Variants in ARSB observed in about 807,000 individuals in gnomAD.
ARSB encodes arylsulfatase B.
A neutral mutation model predicts 50.9 loss-of-function variants in ARSB; 41 were observed. The ratio of observed to expected loss-of-function variants is 0.81; its 90% CI spans 0.63 to 1.04. The LOEUF (loss-of-function observed/expected upper bound fraction) is 1.04. Ranked by LOEUF, ARSB falls within the 50% of genes least tolerant of loss-of-function variation. The pLI is 0.00. For missense variants in ARSB, 672 were observed against 693.3 expected, an observed-to-expected ratio of 0.97 and a Z score of 0.35; for synonymous variants, 269 against 284.8, an observed-to-expected ratio of 0.94 and a Z score of 0.56.
chr5:78,966,079 G>T (rs1391758640), intron 2 of ARSB, among the ~76,000 whole-genome samples: 2 of 152,236 alleles, frequency 1.3e-5, no homozygotes, highest in Non-Finnish European at 2.9e-5. Flanking sequence ...ATTAAAGCTT[G>T]AGGAAATCAC....
At chr5:78,944,424 CT>C (rs1751109487) in intron 4 of ARSB, among the ~76,000 whole-genome samples, 1 of 152,126 alleles carries the variant, frequency 6.6e-6, no homozygotes, top group African/African-American at 2.4e-5. Context: ...TACCTTTGGT[CT>C]TTGATGATGG....
intron 5 of ARSB, among the ~76,000 whole-genome samples, chr5:78,879,064 G>C (rs3098697): frequency 0.48 from 72,565 of 151,970 alleles, 17,604 homozygotes; most frequent in East Asian, 0.65. Flanking sequence ...ATGTTGCCCA[G>C]GCTGGTCTCG....
At chr5:78,868,286 C>T (rs1294203713) in intron 5 of ARSB, among the ~76,000 whole-genome samples, 1 of 122,430 alleles carries the variant, frequency 8.2e-6, no homozygotes, top group Non-Finnish European at 1.7e-5. Context: ...GGCAGGCCAA[C>T]GTTCAGATTC....
intron 5 of ARSB, among the ~76,000 whole-genome samples, chr5:78,863,121 G>T (rs918006100): frequency 1.1e-4 from 17 of 152,220 alleles, no homozygotes; most frequent in African/African-American, 3.9e-4. Context: ...GTGCTGGAGA[G>T]GATGTGGAGA....
intron 6 of ARSB, among the ~76,000 whole-genome samples, chr5:78,832,148 GA>G (rs1289038297): frequency 6.6e-6 from 1 of 152,128 alleles, no homozygotes; most frequent in Non-Finnish European, 1.5e-5. Flanking sequence ...AAGCTCCAGA[GA>G]AACTCAAGGG....
In ARSB at chr5:78,969,030, G is replaced by A. The variant is rs202134230; in HGVS notation, c.475C>T (p.Arg159Cys). ...CCAAAGTAGGTATCAAATCCTCGGC[G>A]GGTTGGAAGGCATTCTTTCCGGTAC... ...GMYRKECLPTRRGFDTYFGYL... is the reference protein window; with the variant it reads ...GMYRKECLPTCRGFDTYFGYL... The change falls in exon 2 of 8, where the codon CGC becomes TGC. Residue 159 changes from arginine (R) to cysteine (C), a missense_variant. Transcript: ENST00000264914. 160 of 1,614,130 alleles carry A rather than the reference G, an allele frequency of 9.9e-5. No individual in the cohort carries two copies. Among genetic ancestry groups the A allele is most frequent in the Middle Eastern group, 8.2e-4 (5 of 6,062 alleles).
chr5:78,817,623 A>G (rs1247164221), intron 6 of ARSB, among the ~76,000 whole-genome samples: 1 of 152,128 alleles, frequency 6.6e-6, no homozygotes, highest in African/African-American at 2.4e-5. Flanking sequence ...AGCCTGACCA[A>G]TATGGTGAAA....
At chr5:78,833,299 C>T (rs1385828143) in intron 6 of ARSB, among the ~76,000 whole-genome samples, 1 of 152,138 alleles carries the variant, frequency 6.6e-6, no homozygotes, top group Non-Finnish European at 1.5e-5. Context: ...GGCTCTCTCA[C>T]GGGTTTCTTA....
chr5:78,914,757 G>A (rs909784333), intron 4 of ARSB, among the ~76,000 whole-genome samples: 10 of 152,066 alleles, frequency 6.6e-5, no homozygotes, highest in South Asian at 2.1e-4. Context: ...TACAATCTCC[G>A]CCAGGTTCAA....
chr5:78,798,987 T>C (rs1026580272), intron 6 of ARSB, among the ~76,000 whole-genome samples: 62 of 152,214 alleles, frequency 4.1e-4, no homozygotes, highest in Non-Finnish European at 1.0e-4. Flanking sequence ...GACAACTCTT[T>C]CCAGCCTCCT....
At chr5:78,867,972 C>A (rs1375372046) in intron 5 of ARSB, among the ~76,000 whole-genome samples, 1 of 118,638 alleles carries the variant, frequency 8.4e-6, no homozygotes. Flanking sequence ...CTTAAAGGAG[C>A]TGATGGAGCT....
At chr5:78,870,597 T>G (rs1405688095) in intron 5 of ARSB, among the ~76,000 whole-genome samples, 1 of 151,206 alleles carries the variant, frequency 6.6e-6, no homozygotes, top group East Asian at 1.9e-4. Flanking sequence ...AGAAAAAGCC[T>G]TTGACAAAAT....
intron 5 of ARSB, among the ~76,000 whole-genome samples, chr5:78,875,906 G>T (rs1023172777): frequency 1.3e-5 from 2 of 151,998 alleles, no homozygotes; most frequent in Non-Finnish European, 2.9e-5. Context: ...GACCTCAAGT[G>T]ATCTACCTGC....
At chr5:78,936,936 G>A (rs80070364) in intron 4 of ARSB, among the ~76,000 whole-genome samples, 5,261 of 152,142 alleles carry the variant, frequency 0.035, 286 homozygotes, top group African/African-American at 0.12. Flanking sequence ...CATTTTTTTA[G>A]CAGCTTGTGA....
chr5:78,867,897 G>C (rs12522380), intron 5 of ARSB, among the ~76,000 whole-genome samples: 30,900 of 133,740 alleles, frequency 0.23, 4,271 homozygotes, highest in Admixed American at 0.32. Flanking sequence ...CAAAGGCAAA[G>C]AAGTTGAAAA....
At chr5:78,834,607 GTATATATATATATATATA>G (rs58773415) in intron 6 of ARSB, among the ~76,000 whole-genome samples, 81 of 85,644 alleles carry the variant, frequency 9.5e-4, no homozygotes, top group East Asian at 2.1e-3. Flanking sequence ...ATATATATGT[GTATATATATATATATATA>G]TATATATATA....
chr5:78,846,504 T>C (rs1008292903), intron 5 of ARSB, among the ~76,000 whole-genome samples: 3 of 152,178 alleles, frequency 2.0e-5, no homozygotes, highest in Non-Finnish European at 4.4e-5. Flanking sequence ...TCTTCAAATC[T>C]ATGAATATGA....
chr5:78,869,123 T>A (rs1217042333), intron 5 of ARSB, among the ~76,000 whole-genome samples: 1 of 146,212 alleles, frequency 6.8e-6, no homozygotes, highest in Non-Finnish European at 1.5e-5. Context: ...CTATCCTAAA[T>A]ATATATGCAC....
chr5:78,817,151 T>C, intron 6 of ARSB: 4 of 982,522 alleles, frequency 4.1e-6, no homozygotes, highest in Non-Finnish European at 4.8e-6. Context: ...AGATAAAGAA[T>C]GATCATTAGT....
Sources: gnomAD v4.1 joint callset for allele counts (sites outside exome capture counted in the v4.1 genomes callset) on GRCh38, gnomAD v4.1.1 for gene constraint, MANE v1.5 for transcripts, NCBI Gene and HGNC (gene_info 2026-07-23, HGNC 2026-07-21) for gene names.